SLC6A20: variants seen among roughly 807,000 people sequenced by gnomAD.
The protein encoded by SLC6A20 is sodium- and chloride-dependent transporter XTRP3.
In SLC6A20, 73 loss-of-function variants were observed where a neutral mutation model predicts 64.3. That is an observed-to-expected ratio of 1.14 (90% CI 0.94 to 1.38). SLC6A20 has a LOEUF of 1.38. Among genes scored for constraint, SLC6A20 ranks in the 40% most tolerant of loss-of-function variants. SLC6A20 has a pLI of 0.00. For synonymous variants in SLC6A20, 347 were observed against 329.6 expected (o/e 1.05, Z -0.57); for missense variants, 725 against 772.8 (o/e 0.94, Z 0.73).
chr3:45,780,149 C>T, intron 2 of SLC6A20, 49 bp from the exon 3 acceptor site: 2 of 1,532,954 alleles, frequency 1.3e-6, no homozygotes, highest in Non-Finnish European at 1.8e-6. Flanking sequence ...GGCCCTTCCC[C>T]CTCCGCCAGG....
chr3:45,779,419 C>A (rs375102640), intron 3 of SLC6A20, among the ~76,000 whole-genome samples: 1 of 152,214 alleles, frequency 6.6e-6, no homozygotes, highest in Non-Finnish European at 1.5e-5. Flanking sequence ...AGAGTGTCAG[C>A]TGTAGTTATC....
At chr3:45,780,172 T>C (rs1700052629) in intron 2 of SLC6A20, 72 bp from the exon 3 acceptor site, 1 of 1,463,436 alleles carries the variant, frequency 6.8e-7, no homozygotes, top group Non-Finnish European at 9.3e-7. Flanking sequence ...CAGCGTGTGC[T>C]CCCAGGACAC....
chr3:45,772,590 G>A lies in SLC6A20; in HGVS notation c.608C>T (p.Pro203Leu). Reference protein sequence around the residue: ...GKVVYFTASLPYCVLIIYLIR... With the variant: ...GKVVYFTASLLYCVLIIYLIR... The stretch of plus-strand genomic sequence containing the variant: ...GAGGTAGATGATGAGCACGCAATAG[G>A]GCAGTGACGCCGTGAAATACACCAC... The change falls in exon 5 of 11, where the codon CCC becomes CTC. Residue 203 changes from proline to leucine, a missense_variant. Coordinates refer to ENST00000358525, the MANE Select transcript of SLC6A20 (RefSeq NM_020208.4). 6.2e-7 allele frequency: 1 copy of A among 1,613,810 alleles called. No homozygotes were observed. Among genetic ancestry groups the A allele is most frequent in the South Asian group, 1.1e-5 (1 of 91,006 alleles).
chr3:45,762,177 C>A (rs747383893), intron 9 of SLC6A20, among the ~76,000 whole-genome samples: 1 of 152,228 alleles, frequency 6.6e-6, no homozygotes. Context: ...TCCCAACGAG[C>A]GCCTTGTTGC....
At chr3:45,763,284 G>C (rs558618866) in intron 8 of SLC6A20, among the ~76,000 whole-genome samples, 1 of 152,236 alleles carries the variant, frequency 6.6e-6, no homozygotes, top group African/African-American at 2.4e-5. Context: ...GAAGCGTGTT[G>C]GCAGGGGTCA....
chr3:45,767,767 C>T (rs906679670), intron 7 of SLC6A20, among the ~76,000 whole-genome samples: 7 of 151,930 alleles, frequency 4.6e-5, no homozygotes, highest in East Asian at 1.9e-4. Flanking sequence ...AGGCCAAAGA[C>T]GAAGAGAAGA....
At chr3:45,789,891 C>T (rs1288716637) in intron 1 of SLC6A20, among the ~76,000 whole-genome samples, 1 of 152,102 alleles carries the variant, frequency 6.6e-6, no homozygotes, top group African/African-American at 2.4e-5. Context: ...CACACCCGGC[C>T]CTTTTACACA....
chr3:45,766,372 C>T (rs562428580), intron 7 of SLC6A20, among the ~76,000 whole-genome samples: 1 of 152,344 alleles, frequency 6.6e-6, no homozygotes, highest in South Asian at 2.1e-4. Flanking sequence ...CCCCCCCACC[C>T]GGTTTAGATG....
chr3:45,782,624 C>CATCA (rs993245686), intron 1 of SLC6A20, among the ~76,000 whole-genome samples: 5 of 111,774 alleles, frequency 4.5e-5, no homozygotes, highest in Admixed American at 3.3e-4. Context: ...TCCATATTTC[C>CATCA]ATCCATCCAT....
chr3:45,771,090 G>T, intron 6 of SLC6A20, 127 bp downstream of exon 6: 1 of 1,367,120 alleles, frequency 7.3e-7, no homozygotes, highest in Non-Finnish European at 9.9e-7. Context: ...GTGGTGTAGG[G>T]AGTCCAAATG....
intron 1 of SLC6A20, 123 bp from the exon 2 acceptor site, chr3:45,782,346 C>G (rs1310216801): frequency 1.5e-6 from 2 of 1,320,314 alleles, no homozygotes; most frequent in Non-Finnish European, 2.0e-6. Flanking sequence ...ATTCTCCTAC[C>G]TTTCCATCAT....
chr3:45,796,425 C>T lies in SLC6A20; in HGVS notation c.-6G>A, dbSNP rs778688326. The T allele has an allele frequency of 9.3e-6, 15 of 1,608,362 alleles. No homozygotes were observed. The highest frequency in any genetic ancestry group is 4.5e-5 in the East Asian group (2 of 44,504). ...AGCGGCCGCGCTTTCTCCATGGCCC[C>T]GGCCTCGGCGCGCTCGGCTCCGGCT... On this transcript the variant is annotated 5_prime_UTR_variant, in exon 1 of 11. Coordinates refer to ENST00000358525, the MANE Select transcript of SLC6A20 (RefSeq NM_020208.4).
At position 45,757,426 on chromosome 3, in the gene SLC6A20, A is replaced by G. The variant is rs1478203217; in HGVS notation, c.*1552T>C. 5 of 152,282 alleles carry G rather than the reference A, an allele frequency of 3.3e-5. No individual in the cohort carries two copies. Among genetic ancestry groups the G allele is most frequent in the Non-Finnish European group, 7.3e-5 (5 of 68,102 alleles). 9.4% of individuals were successfully genotyped at this position (152,282 alleles called of 1,614,324 possible). A position where few individuals can be genotyped will look rare whatever the true frequency, so the allele number is the denominator to read the frequency against. ...GGCTTTCTTGGGCAGAGGTCCCTGC[A>G]GCTTTCTGCTGTGCATTGTGTCCCT... On this transcript the variant is annotated 3_prime_UTR_variant, in exon 11 of 11. Transcript: ENST00000358525.
At chr3:45,759,163 T>C (rs1294796421) in intron 10 of SLC6A20, 36 bp from the exon 11 acceptor site, 4 of 1,580,914 alleles carry the variant, frequency 2.5e-6, no homozygotes, top group South Asian at 1.2e-5. Context: ...AGAGAGCACC[T>C]GCTGAGCACT....
At chr3:45,780,581 T>C (rs1195504831) in intron 2 of SLC6A20, among the ~76,000 whole-genome samples, 1 of 152,132 alleles carries the variant, frequency 6.6e-6, no homozygotes, top group Non-Finnish European at 1.5e-5. Flanking sequence ...CACCAGCGGT[T>C]GAGTCACCTG....
At chr3:45,770,418 C>G (rs747806044) in intron 6 of SLC6A20, 47 bp from the exon 7 acceptor site, 2 of 1,600,586 alleles carry the variant, frequency 1.2e-6, no homozygotes, top group South Asian at 2.2e-5. Flanking sequence ...AGAAAGGCAG[C>G]TGTCACCAAA....
At chr3:45,791,667 A>G (rs1575438886) in intron 1 of SLC6A20, 1 of 158,952 alleles carries the variant, frequency 6.3e-6, no homozygotes, top group Non-Finnish European at 1.4e-5. Flanking sequence ...ATGGCTGGGG[A>G]GGCCTCAGGA....
intron 9 of SLC6A20, 59 bp from the exon 10 acceptor site, chr3:45,760,081 C>T (rs1455442271): frequency 5.8e-6 from 9 of 1,543,640 alleles, no homozygotes; most frequent in Non-Finnish European, 2.6e-6. Flanking sequence ...GTCAGGGCGT[C>T]CAGCTTGCCT....
At chr3:45,777,238 G>A (rs748578064) in intron 3 of SLC6A20, among the ~76,000 whole-genome samples, 14 of 152,178 alleles carry the variant, frequency 9.2e-5, no homozygotes, top group Non-Finnish European at 1.5e-4. Context: ...TGGCTACTGT[G>A]CCAGTAGGCA....
Sources: allele counts gnomAD v4.1 joint callset (sites outside exome capture counted in the v4.1 genomes callset), GRCh38; gene constraint gnomAD v4.1.1; transcripts MANE v1.5; gene names NCBI Gene and HGNC (gene_info 2026-07-23, HGNC 2026-07-21).